NRCAM: variants seen among roughly 807,000 people sequenced by gnomAD.
NRCAM encodes the protein NgCAM-related cell adhesion molecule.
NRCAM carries 83 observed loss-of-function variants against 156.5 expected under a neutral mutation model. That is an observed-to-expected ratio of 0.53 (90% CI 0.44 to 0.64). NRCAM has a LOEUF of 0.64. Ranked by LOEUF, NRCAM falls within the 30% of genes least tolerant of loss-of-function variation. The pLI, the probability that NRCAM is intolerant of heterozygous loss-of-function variation, is 0.00. For missense variants in NRCAM, 1,417 were observed against 1,597.3 expected, an observed-to-expected ratio of 0.89 and a Z score of 1.92; for synonymous variants, 538 against 563.9, an observed-to-expected ratio of 0.95 and a Z score of 0.65.
At chr7:108,244,802 T>C (rs1268374617) in intron 3 of NRCAM, among the ~76,000 whole-genome samples, 1 of 152,168 alleles carries the variant, frequency 6.6e-6, no homozygotes, top group African/African-American at 2.4e-5. Context: ...ACCTAAGGAA[T>C]GGTGAACAAT....
At chr7:108,403,636 T>A (rs2099799197) in intron 1 of NRCAM, among the ~76,000 whole-genome samples, 1 of 152,202 alleles carries the variant, frequency 6.6e-6, no homozygotes, top group Admixed American at 6.5e-5. Context: ...CGTTAGAGAC[T>A]GCAAAACCCA....
intron 32 of NRCAM, among the ~76,000 whole-genome samples, chr7:108,151,250 C>T (rs2041431284): frequency 6.6e-6 from 1 of 152,120 alleles, no homozygotes; most frequent in Non-Finnish European, 1.5e-5. Flanking sequence ...CAGGATCTAA[C>T]ATTTTGTTTT....
intron 2 of NRCAM, among the ~76,000 whole-genome samples, chr7:108,392,321 T>A (rs1188304166): frequency 2.0e-5 from 3 of 152,248 alleles, no homozygotes; most frequent in Admixed American, 6.5e-5. Flanking sequence ...TTTCATTCAT[T>A]TGATCTTCAA....
chr7:108,437,018 G>T (rs1053143209), intron 1 of NRCAM, among the ~76,000 whole-genome samples: 3 of 152,158 alleles, frequency 2.0e-5, no homozygotes, highest in Non-Finnish European at 2.9e-5. Flanking sequence ...GGCAACCTAA[G>T]TGTCCATCAA....
At chr7:108,183,061 G>T in intron 22 of NRCAM, 141 bp from the exon 23 acceptor site, 1 of 694,060 alleles carries the variant, frequency 1.4e-6, no homozygotes. Context: ...ATTTTCTCCA[G>T]GGACCTTCTA....
chr7:108,207,683 C>G, intron 12 of NRCAM, 24 bp from the exon 13 acceptor site: 1 of 1,573,230 alleles, frequency 6.4e-7, no homozygotes, highest in South Asian at 1.2e-5. Context: ...AGAAAAAAGA[C>G]CAAAAATCTG....
intron 2 of NRCAM, among the ~76,000 whole-genome samples, chr7:108,391,684 A>T (rs1053903488): frequency 1.3e-5 from 2 of 152,124 alleles, no homozygotes; most frequent in Non-Finnish European, 2.9e-5. Flanking sequence ...GGTCTTTACA[A>T]TTTGGCATGT....
rs1396892099 is a variant in NRCAM, at chr7:108,237,737, T to C, written c.124+15A>G. On this transcript the variant is annotated intron_variant, in intron 5 of 32. Transcript: ENST00000379028. Reference sequence around the variant, plus strand: ...CATTTTCACACTGCCTAGTAATTTATAGAAGGACACTTACAGTCTTCAAGA... The same window carrying C: ...CATTTTCACACTGCCTAGTAATTTACAGAAGGACACTTACAGTCTTCAAGA... 7 of 1,580,590 alleles carry C rather than the reference T, an allele frequency of 4.4e-6. 1 individual carries two copies. Among genetic ancestry groups the C allele is most frequent in the Admixed American group, 3.6e-5 (2 of 55,802 alleles).
intron 3 of NRCAM, among the ~76,000 whole-genome samples, chr7:108,299,147 AG>A (rs2098536819): frequency 9.5e-6 from 1 of 105,038 alleles, no homozygotes; most frequent in Non-Finnish European, 2.0e-5. Context: ...AGAAAAGAAA[AG>A]TAAAAAAAAA....
At chr7:108,432,503 A>G (rs926735607) in intron 1 of NRCAM, among the ~76,000 whole-genome samples, 3 of 152,248 alleles carry the variant, frequency 2.0e-5, no homozygotes, top group African/African-American at 2.4e-5. Flanking sequence ...GTAAATGGAC[A>G]TGTTGAAAAT....
chr7:108,360,144 G>A (rs12112694), intron 2 of NRCAM, among the ~76,000 whole-genome samples: 123 of 152,274 alleles, frequency 8.1e-4, no homozygotes, highest in African/African-American at 2.6e-3. Flanking sequence ...TCAGGGAAGT[G>A]GTTATCTGTA....
intron 3 of NRCAM, among the ~76,000 whole-genome samples, chr7:108,301,468 C>T (rs2098609291): frequency 6.6e-6 from 1 of 152,192 alleles, no homozygotes; most frequent in African/African-American, 2.4e-5. Context: ...GTCATTAGCA[C>T]CAACAAGGCG....
intron 20 of NRCAM, among the ~76,000 whole-genome samples, chr7:108,186,925 C>T (rs1337776784): frequency 6.6e-6 from 1 of 152,162 alleles, no homozygotes; most frequent in African/African-American, 2.4e-5. Flanking sequence ...CACAAAATGA[C>T]ATGGGATATA....
intron 3 of NRCAM, among the ~76,000 whole-genome samples, chr7:108,264,922 T>TAATA (rs139019033): frequency 0.016 from 2,477 of 152,258 alleles, 57 homozygotes; most frequent in African/African-American, 0.052. Context: ...AGCAGATGAA[T>TAATA]AATAGGGGGT....
chr7:108,260,110 T>G (rs2096836200), intron 3 of NRCAM, among the ~76,000 whole-genome samples: 1 of 152,102 alleles, frequency 6.6e-6, no homozygotes, highest in Admixed American at 6.5e-5. Flanking sequence ...CAGAACCTGG[T>G]CCTGAGAGAT....
rs975483513 is a variant in NRCAM at position 108,238,458 on chromosome 7, C to T, written c.107-689G>A. Among the ~76,000 whole-genome samples, 13 of 152,108 alleles carry T rather than the reference C, an allele frequency of 8.5e-5. 1 individual carries two copies. Among genetic ancestry groups the T allele is most frequent in the African/African-American group, 2.4e-4 (10 of 41,438 alleles). On this transcript the variant is annotated intron_variant, in intron 4 of 32. Coordinates refer to ENST00000379028, the MANE Select transcript of NRCAM (RefSeq NM_001037132.4). The stretch of plus-strand genomic sequence containing the variant: ...ACATTAGCATGCAATTCAAATCATT[C>T]CACAGTGCTGTCTGTCGTTACTACT...
At chr7:108,450,206 T>C (rs1221470654) in intron 1 of NRCAM, among the ~76,000 whole-genome samples, 3 of 147,128 alleles carry the variant, frequency 2.0e-5, no homozygotes, top group Non-Finnish European at 4.6e-5. Flanking sequence ...ATTAGGACAG[T>C]ATGTGAGTAC....
chr7:108,363,060 C>A (rs1000761089), intron 2 of NRCAM, among the ~76,000 whole-genome samples: 1 of 151,724 alleles, frequency 6.6e-6, no homozygotes. Flanking sequence ...GACATGGGAG[C>A]CAATTGAAAG....
chr7:108,305,238 G>A (rs981697813), intron 3 of NRCAM, among the ~76,000 whole-genome samples: 5 of 152,150 alleles, frequency 3.3e-5, no homozygotes, highest in Admixed American at 6.6e-5. Flanking sequence ...TCGATTTGAA[G>A]ACTGTTTTTG....
Sources: allele counts gnomAD v4.1 joint callset (sites outside exome capture counted in the v4.1 genomes callset), GRCh38; gene constraint gnomAD v4.1.1; transcripts MANE v1.5; gene names NCBI Gene and HGNC (gene_info 2026-07-23, HGNC 2026-07-21).